Variants in CHRM2 observed in about 807,000 individuals in gnomAD.
CHRM2 encodes muscarinic acetylcholine receptor M2.
In CHRM2, 8 loss-of-function variants were observed where a neutral mutation model predicts 25.0. The observed-to-expected ratio is 0.32, with a 90% confidence interval of 0.19 to 0.58. The LOEUF is 0.58. Among genes scored for constraint, CHRM2 ranks in the 20% least tolerant of loss-of-function variants. The probability of loss-of-function intolerance (pLI) is 0.88; values close to 1 mark genes in which losing one functional copy is unlikely to be tolerated. For missense variants in CHRM2, 440 were observed against 567.1 expected, an observed-to-expected ratio of 0.78 and a Z score of 2.28; for synonymous variants, 202 against 205.7, an observed-to-expected ratio of 0.98 and a Z score of 0.15.
intron 2 of CHRM2, among the ~76,000 whole-genome samples, chr7:136,991,009 T>G (rs2131017427): frequency 6.6e-6 from 1 of 152,298 alleles, no homozygotes; most frequent in South Asian, 2.1e-4. Flanking sequence ...ATTTACCATC[T>G]GTATATGTTT....
At chr7:136,871,504 A>C (rs1795838914) in intron 2 of CHRM2, 1 of 152,736 alleles carries the variant, frequency 6.5e-6, no homozygotes, top group African/African-American at 2.4e-5. Context: ...AGCTTTTAAT[A>C]AACTCCAGAG....
chr7:136,965,396 T>A (rs1277810992), intron 2 of CHRM2, among the ~76,000 whole-genome samples: 1 of 152,118 alleles, frequency 6.6e-6, no homozygotes, highest in African/African-American at 2.4e-5. Flanking sequence ...TATGGATTTA[T>A]TTCTCATGGA....
rs1040815223 is a variant in CHRM2, at chr7:137,018,450, T to G, written c.*2184T>G. 22 of 152,058 alleles carry G rather than the reference T, an allele frequency of 1.4e-4. No homozygotes were observed. Among genetic ancestry groups the G allele is most frequent in the Admixed American group, 9.8e-4 (15 of 15,232 alleles). The allele number at this position is 152,058 out of a possible 1,614,324, so 9.4% of individuals were successfully genotyped here. A position where few individuals can be genotyped will look rare whatever the true frequency, so the allele number is the denominator to read the frequency against. On this transcript the variant is annotated 3_prime_UTR_variant, in exon 4 of 4. Coordinates refer to ENST00000680005, the MANE Select transcript of CHRM2 (RefSeq NM_001006630.2). Reference sequence around the variant, plus strand: ...TGTTTCTTCAAATGAAGGAATCAGTTGAACGGAAATAACGTCAAGCCAGTG... The same window carrying G: ...TGTTTCTTCAAATGAAGGAATCAGTGGAACGGAAATAACGTCAAGCCAGTG...
intron 3 of CHRM2, among the ~76,000 whole-genome samples, chr7:137,013,559 A>G (rs1030024228): frequency 3.9e-5 from 6 of 151,960 alleles, no homozygotes; most frequent in African/African-American, 1.4e-4. Context: ...TCTGCTTCAG[A>G]TGCTGTTTCT....
chr7:136,938,099 A>C (rs1166609698), intron 2 of CHRM2, among the ~76,000 whole-genome samples: 1 of 152,146 alleles, frequency 6.6e-6, no homozygotes, highest in African/African-American at 2.4e-5. Flanking sequence ...TTGGTCAGCT[A>C]GGGGAGATGA....
chr7:136,998,329 A>AT (rs200247141), intron 3 of CHRM2, among the ~76,000 whole-genome samples: 153 of 102,506 alleles, frequency 1.5e-3, no homozygotes, highest in African/African-American at 6.0e-3. Context: ...GCTGACACAA[A>AT]GTGAGTCCTC....
At position 136,905,414 on chromosome 7, in the gene CHRM2, A is replaced by G. The variant is rs187868939; in HGVS notation, c.-125+35996A>G. Among the ~76,000 whole-genome samples, 14 of 151,668 alleles carry G rather than the reference A, an allele frequency of 9.2e-5. 1 individual carries two copies. In the East Asian group the frequency reaches 2.7e-3, roughly 29 times the overall value. ...ATAAATCTACCTGATTTGTAGCTGT[A>G]TTTGCATTTTTTGCACCTATCATGT... On this transcript the variant is annotated intron_variant, in intron 2 of 3. Transcript: ENST00000680005.
intron 2 of CHRM2, among the ~76,000 whole-genome samples, chr7:136,916,834 T>TTCTC (rs35224192): frequency 1.3e-5 from 2 of 148,770 alleles, no homozygotes; most frequent in South Asian, 2.1e-4. Flanking sequence ...CTCCCTCTCT[T>TTCTC]TCTCTCTCTC....
chr7:136,981,707 C>T (rs115407868), intron 2 of CHRM2, among the ~76,000 whole-genome samples: 2,125 of 152,106 alleles, frequency 0.014, 38 homozygotes, highest in African/African-American at 0.049. Context: ...CGCTATTTAC[C>T]CAGTAGTTTT....
intron 2 of CHRM2, among the ~76,000 whole-genome samples, chr7:136,953,759 C>T (rs565721893): frequency 7.9e-5 from 12 of 151,856 alleles, no homozygotes; most frequent in Admixed American, 3.3e-4. Flanking sequence ...ATATTTCAGA[C>T]GGACAAAGCA....
chr7:137,012,526 T>A (rs980644054), intron 3 of CHRM2, among the ~76,000 whole-genome samples: 1 of 152,020 alleles, frequency 6.6e-6, no homozygotes, highest in Non-Finnish European at 1.5e-5. Context: ...AATAAAATTA[T>A]ATTCTGTAAT....
intron 2 of CHRM2, among the ~76,000 whole-genome samples, chr7:136,963,738 C>A (rs551044311): frequency 2.0e-5 from 3 of 152,230 alleles, no homozygotes; most frequent in Admixed American, 6.5e-5. Flanking sequence ...CCAGGTCCCA[C>A]TGTGGAGCAT....
chr7:136,953,369 C>A (rs1800529642), intron 2 of CHRM2, among the ~76,000 whole-genome samples: 1 of 152,120 alleles, frequency 6.6e-6, no homozygotes, highest in African/African-American at 2.4e-5. Context: ...TCCTGATCCT[C>A]TATAAATTAC....
chr7:136,896,866 C>T (rs191534571), intron 2 of CHRM2, among the ~76,000 whole-genome samples: 6 of 151,962 alleles, frequency 3.9e-5, no homozygotes, highest in Admixed American at 1.3e-4. Flanking sequence ...GAAAGTGAAA[C>T]GTCATTAAAG....
chr7:136,931,213 T>C (rs951322995), intron 2 of CHRM2, among the ~76,000 whole-genome samples: 1 of 152,166 alleles, frequency 6.6e-6, no homozygotes, highest in Non-Finnish European at 1.5e-5. Flanking sequence ...AATTTAGGTA[T>C]GTTGGGGAAA....
At chr7:136,904,576 CT>C (rs1224298517) in intron 2 of CHRM2, among the ~76,000 whole-genome samples, 2 of 151,440 alleles carry the variant, frequency 1.3e-5, no homozygotes, top group Admixed American at 6.6e-5. Context: ...ACTTATCTTA[CT>C]TTTGTAGTTA....
chr7:136,887,642 T>A (rs998126289), intron 2 of CHRM2, among the ~76,000 whole-genome samples: 5 of 152,242 alleles, frequency 3.3e-5, no homozygotes, highest in African/African-American at 1.2e-4. Flanking sequence ...AAAGAACAGA[T>A]AATTCATTGT....
intron 2 of CHRM2, among the ~76,000 whole-genome samples, chr7:136,941,035 C>G (rs996060244): frequency 6.6e-6 from 1 of 152,208 alleles, no homozygotes; most frequent in Admixed American, 6.5e-5. Context: ...GATTCTAGAA[C>G]AGGGTCCTAG....
At position 137,015,982 on chromosome 7, in the gene CHRM2, G is replaced by A. The variant is rs764838370; in HGVS notation, c.1117G>A (p.Ala373Thr). 2 of 1,613,080 alleles carry A rather than the reference G, an allele frequency of 1.2e-6. No individual in the cohort carries two copies. Among genetic ancestry groups the A allele is most frequent in the South Asian group, 2.2e-5 (2 of 91,046 alleles). The change falls in exon 4 of 4, where the codon GCA (alanine) becomes ACA (threonine). Residue 373 changes from alanine to threonine, a missense_variant. By Grantham distance (58) the Ala-to-Thr change is moderately conservative. Coordinates refer to ENST00000680005, the MANE Select transcript of CHRM2 (RefSeq NM_001006630.2). This position sits in a 1 kb window ranked among gnomAD's most constrained non-coding sequence, Gnocchi z 5.1. ...GATTGTGAAGATGACTAAGCAGCCT[G>A]CAAAAAAGAAGCCTCCTCCTTCCCG... is the stretch of plus-strand genomic sequence containing the variant. Reference protein sequence around the residue: ...RKIVKMTKQPAKKKPPPSREK... With the variant: ...RKIVKMTKQPTKKKPPPSREK...
Sources: gnomAD v4.1 joint callset for allele counts (sites outside exome capture counted in the v4.1 genomes callset) on GRCh38, gnomAD v4.1.1 for gene constraint, Gnocchi (gnomAD v3.1) non-coding constraint, MANE v1.5 for transcripts, NCBI Gene and HGNC (gene_info 2026-07-23, HGNC 2026-07-21) for gene names.